Variants in ARHGEF7 observed in about 807,000 individuals in gnomAD.
ARHGEF7 encodes the protein Rho guanine nucleotide exchange factor 7.
ARHGEF7 carries 33 observed loss-of-function variants against 109.8 expected under a neutral mutation model. That is an observed-to-expected ratio of 0.30 (90% CI 0.23 to 0.40). The LOEUF is 0.40. ARHGEF7 is among the 10% of genes least tolerant of loss of function. The pLI is 1.00. For synonymous variants in ARHGEF7, 458 were observed against 424.6 expected (o/e 1.08, Z -0.97); for missense variants, 938 against 1,098.5 (o/e 0.85, Z 2.07).
Position 111,133,054 on chromosome 13 carries a change from G to C in ARHGEF7, c.165+17363G>C, listed in dbSNP as rs545089926. On this transcript the variant is annotated intron_variant, in intron 1 of 21. Coordinates refer to ENST00000646102, the MANE Select transcript of ARHGEF7 (RefSeq NM_001354046.2). ...GATATACACATGCATATACACATAT[G>C]TATGCACACATATACACATGTATAT... is the stretch of plus-strand genomic sequence containing the variant. Among the ~76,000 whole-genome samples the C allele has an allele frequency of 3.3e-5, 5 of 151,808 alleles. No homozygotes were observed. The East Asian group carries it at 9.7e-4, about 29-fold the overall frequency.
At chr13:111,184,564 C>T (rs1031076872) in intron 2 of ARHGEF7, among the ~76,000 whole-genome samples, 1 of 152,126 alleles carries the variant, frequency 6.6e-6, no homozygotes, top group Admixed American at 6.5e-5. Flanking sequence ...TCTGCCTCCT[C>T]TCTCACATTC....
rs2092900120 is a variant in ARHGEF7, at chr13:111,283,768, C to A, written c.1950+405C>A. On this transcript the variant is annotated intron_variant, in intron 16 of 21. Coordinates refer to ENST00000646102, the MANE Select transcript of ARHGEF7 (RefSeq NM_001354046.2). ...TAGGTTGGGGATCCTGTCCAGGAGCCCTGCATTTTGTCATCCAGAAGCCAT... is the reference window on the plus strand; with the variant it reads ...TAGGTTGGGGATCCTGTCCAGGAGCACTGCATTTTGTCATCCAGAAGCCAT... Among the ~76,000 whole-genome samples the A allele has an allele frequency of 3.3e-5, 5 of 152,114 alleles. No individual in the cohort carries two copies. The South Asian group carries it at 1.0e-3, about 31-fold the overall frequency.
intron 2 of ARHGEF7, among the ~76,000 whole-genome samples, chr13:111,168,006 C>G (rs1246971900): frequency 2.0e-5 from 3 of 152,184 alleles, no homozygotes; most frequent in African/African-American, 7.2e-5. Flanking sequence ...GGCAGGAGAG[C>G]AGGGTGACTG....
rs1275830327 is a variant in ARHGEF7 at position 111,228,275 on chromosome 13, G to A, written c.671-4930G>A. 1.3e-5 allele frequency among the ~76,000 whole-genome samples: 2 copies of A among 152,204 alleles called. No individual in the cohort carries two copies. The highest frequency in any genetic ancestry group is 1.3e-4 in the Admixed American group (2 of 15,284). ...CAGAAAGCCATTGTTTTGACACACA[G>A]GAAGATCTGAATATAGACTAGGCAT... On this transcript the variant is annotated intron_variant, in intron 5 of 21. Coordinates refer to ENST00000646102, the MANE Select transcript of ARHGEF7 (RefSeq NM_001354046.2). This position sits in a 1 kb window ranked among gnomAD's most constrained non-coding sequence, Gnocchi z 4.6.
chr13:111,295,951 A>T (rs1361914910), intron 19 of ARHGEF7, among the ~76,000 whole-genome samples: 1 of 152,214 alleles, frequency 6.6e-6, no homozygotes, highest in Non-Finnish European at 1.5e-5. Context: ...CCCTGTTTTT[A>T]GGCTTTTGGT....
At chr13:111,203,207 A>G (rs1325212871) in intron 2 of ARHGEF7, 3 of 747,320 alleles carry the variant, frequency 4.0e-6, no homozygotes, top group Non-Finnish European at 5.6e-6. Flanking sequence ...CACTAAGATT[A>G]GATCTGTAGA....
chr13:111,252,534 C>A (rs908802486), intron 8 of ARHGEF7, among the ~76,000 whole-genome samples: 1 of 152,222 alleles, frequency 6.6e-6, no homozygotes, highest in Non-Finnish European at 1.5e-5. Context: ...CAGAAGAGAG[C>A]TGTAGAAGAA....
chr13:111,174,519 C>T (rs2077931077), intron 2 of ARHGEF7, among the ~76,000 whole-genome samples: 1 of 152,176 alleles, frequency 6.6e-6, no homozygotes. Flanking sequence ...CAGTCTTGCT[C>T]TTGCATTTTA....
chr13:111,277,977 C>G (rs1279487934), intron 13 of ARHGEF7, among the ~76,000 whole-genome samples: 1 of 152,214 alleles, frequency 6.6e-6, no homozygotes, highest in Non-Finnish European at 1.5e-5. Context: ...ATACCTTGCT[C>G]CTCCTTGCTA....
chr13:111,115,796 G>A (rs969179099), intron 1 of ARHGEF7, 105 bp downstream of exon 1: 5 of 584,662 alleles, frequency 8.6e-6, no homozygotes, highest in Non-Finnish European at 8.9e-6. Context: ...AAACCCGTGC[G>A]CCCTCCTTTG....
chr13:111,207,322 C>A (rs1050971631), intron 3 of ARHGEF7, among the ~76,000 whole-genome samples: 2 of 152,206 alleles, frequency 1.3e-5, no homozygotes, highest in African/African-American at 2.4e-5. Context: ...GTGTGTGCCT[C>A]TGTGCCTGGC....
intron 5 of ARHGEF7, among the ~76,000 whole-genome samples, chr13:111,222,709 G>A (rs1002362215): frequency 1.3e-5 from 2 of 152,222 alleles, no homozygotes; most frequent in Admixed American, 6.5e-5. Context: ...GATTACAGGC[G>A]TGAGCCACCA....
intron 1 of ARHGEF7, chr13:111,144,356 G>A (rs1211069513): frequency 6.6e-6 from 1 of 152,216 alleles, no homozygotes; most frequent in Non-Finnish European, 1.5e-5. Context: ...TTAGTATGCT[G>A]AAGACTTTTT....
intron 1 of ARHGEF7, among the ~76,000 whole-genome samples, chr13:111,119,027 G>C (rs1242601987): frequency 6.6e-6 from 1 of 152,200 alleles, no homozygotes; most frequent in Non-Finnish European, 1.5e-5. Context: ...CTGGGATTAA[G>C]GTACCTGCAG....
intron 2 of ARHGEF7, among the ~76,000 whole-genome samples, chr13:111,171,666 G>A (rs1202679739): frequency 6.6e-6 from 1 of 152,162 alleles, no homozygotes; most frequent in Non-Finnish European, 1.5e-5. Flanking sequence ...ATTGGGGAAA[G>A]CTGTTAAAGT....
chr13:111,118,303 A>C (rs943732764), intron 1 of ARHGEF7, among the ~76,000 whole-genome samples: 4 of 152,268 alleles, frequency 2.6e-5, no homozygotes, highest in African/African-American at 9.6e-5. Flanking sequence ...GGCGTGTCAG[A>C]TTCTTCTGCT....
intron 2 of ARHGEF7, among the ~76,000 whole-genome samples, chr13:111,181,477 G>A (rs1373809409): frequency 6.6e-6 from 1 of 152,148 alleles, no homozygotes; most frequent in East Asian, 1.9e-4. Flanking sequence ...TCCTTTGACT[G>A]GGGCATTTCT....
At chr13:111,153,581 G>T (rs2076027521) in intron 1 of ARHGEF7, 2 of 1,087,056 alleles carry the variant, frequency 1.8e-6, no homozygotes, top group African/African-American at 1.7e-5. Flanking sequence ...CGTCCGCGGG[G>T]GCGAACACCC....
upstream of ARHGEF7, chr13:111,114,672 C>T (rs1384899460): frequency 6.6e-6 from 1 of 152,500 alleles, no homozygotes; most frequent in Non-Finnish European, 1.5e-5. Flanking sequence ...TCTGCACAGC[C>T]CCACTTCAGG....
Sources: gnomAD v4.1 joint callset for allele counts (sites outside exome capture counted in the v4.1 genomes callset) on GRCh38, gnomAD v4.1.1 for gene constraint, Gnocchi (gnomAD v3.1) non-coding constraint, MANE v1.5 for transcripts, NCBI Gene and HGNC (gene_info 2026-07-23, HGNC 2026-07-21) for gene names.